The following PRKG1 variants were observed in gnomAD, a reference collection of about 807,000 sequenced individuals.
PRKG1 encodes protein kinase cGMP-dependent 1, also known as cGMP-dependent protein kinase 1.
A neutral mutation model predicts 88.1 loss-of-function variants in PRKG1; 35 were observed. The observed-to-expected ratio is 0.40, with a 90% CI of 0.30 to 0.53. The LOEUF (loss-of-function observed/expected upper bound fraction) is 0.53, where lower values mean the gene tolerates loss of function less well. Among genes scored for constraint, PRKG1 ranks in the 20% least tolerant of loss-of-function variants. PRKG1 has a pLI of 0.59. For synonymous variants in PRKG1, 303 were observed against 292.5 expected (o/e 1.04, Z -0.37); for missense variants, 540 against 839.8 (o/e 0.64, Z 4.41).
intron 4 of PRKG1, among the ~76,000 whole-genome samples, chr10:51,904,226 C>T (rs1842039231): frequency 6.6e-6 from 1 of 151,974 alleles, no homozygotes; most frequent in South Asian, 2.1e-4. Context: ...TAAATTGTTA[C>T]AATAAATTAT....
chr10:51,278,500 T>C (rs1447580688), intron 2 of PRKG1, among the ~76,000 whole-genome samples: 2 of 152,216 alleles, frequency 1.3e-5, no homozygotes, highest in Non-Finnish European at 1.5e-5. Flanking sequence ...CCTCTTTTTC[T>C]ATTGATTAGA....
At chr10:51,457,133 T>G (rs541259375) in intron 2 of PRKG1, among the ~76,000 whole-genome samples, 1 of 152,174 alleles carries the variant, frequency 6.6e-6, no homozygotes, top group African/African-American at 2.4e-5. Context: ...ACACACATGT[T>G]TATAGCAGCA....
At chr10:51,193,962 T>C (rs1337105988) in intron 2 of PRKG1, among the ~76,000 whole-genome samples, 1 of 152,154 alleles carries the variant, frequency 6.6e-6, no homozygotes, top group Non-Finnish European at 1.5e-5. Context: ...CTGGGGCAGG[T>C]CAGGAACACT....
At chr10:52,031,045 A>T (rs896719432) in intron 5 of PRKG1, among the ~76,000 whole-genome samples, 1 of 152,012 alleles carries the variant, frequency 6.6e-6, no homozygotes, top group Non-Finnish European at 1.5e-5. Context: ...CAGATCCATT[A>T]TTTATTCTCA....
chr10:51,298,061 C>T (rs1438840246), intron 2 of PRKG1, among the ~76,000 whole-genome samples: 3 of 152,058 alleles, frequency 2.0e-5, no homozygotes, highest in African/African-American at 7.2e-5. Context: ...TTGTTAAGCA[C>T]TTACTATATT....
chr10:52,294,263 A>AAGATGAATATT lies in PRKG1; in HGVS notation c.*363_*364insAGATGAATATT, dbSNP rs1464410477. 1 of 167,756 alleles carries AAGATGAATATT rather than the reference A, an allele frequency of 6.0e-6. No homozygotes were observed. Among genetic ancestry groups the AAGATGAATATT allele is most frequent in the Non-Finnish European group, 1.3e-5 (1 of 77,990 alleles). The allele number at this position is 167,756 out of a possible 1,614,324, so 10.4% of individuals were successfully genotyped here. ...AGTCTGTACCTTGCTGGAATATTCA[A>AAGATGAATATT]GAAGATGAAAGAATAATATATTGGG... On this transcript the variant is annotated 3_prime_UTR_variant, in exon 18 of 18. Transcript: ENST00000373980.
chr10:52,135,120 G>A (rs1042525171), intron 8 of PRKG1, among the ~76,000 whole-genome samples: 1 of 152,018 alleles, frequency 6.6e-6, no homozygotes, highest in African/African-American at 2.4e-5. Flanking sequence ...CAAAAAAAAT[G>A]AGTTCAGAAT....
intron 5 of PRKG1, among the ~76,000 whole-genome samples, chr10:52,034,857 A>G (rs190287793): frequency 6.6e-6 from 1 of 152,160 alleles, no homozygotes; most frequent in Non-Finnish European, 1.5e-5. Context: ...TCTATACAGG[A>G]GCTCAAATGC....
chr10:51,795,277 A>G (rs1274229565), intron 3 of PRKG1, among the ~76,000 whole-genome samples: 1 of 152,096 alleles, frequency 6.6e-6, no homozygotes, highest in South Asian at 2.1e-4. Flanking sequence ...CTTCCAATGT[A>G]TGAATATGGT....
chr10:51,574,109 G>A (rs1837826151), intron 3 of PRKG1, among the ~76,000 whole-genome samples: 1 of 151,896 alleles, frequency 6.6e-6, no homozygotes, highest in Admixed American at 6.6e-5. Context: ...TTAAACATTG[G>A]AAGAGAAAGC....
chr10:51,470,612 C>G (rs16918380), intron 3 of PRKG1, among the ~76,000 whole-genome samples: 17,261 of 151,934 alleles, frequency 0.11, 1,117 homozygotes, highest in Admixed American at 0.19. Flanking sequence ...ATGTACATTA[C>G]TTGTTTCCTG....
At chr10:52,256,008 T>G (rs1841298938) in intron 10 of PRKG1, among the ~76,000 whole-genome samples, 1 of 147,038 alleles carries the variant, frequency 6.8e-6, no homozygotes, top group African/African-American at 2.4e-5. Flanking sequence ...AAGACAAGAA[T>G]AATGTATTTA....
intron 3 of PRKG1, among the ~76,000 whole-genome samples, chr10:51,745,195 G>A (rs1457162272): frequency 6.6e-6 from 1 of 152,050 alleles, no homozygotes; most frequent in East Asian, 1.9e-4. Context: ...GTTTTTAAGA[G>A]TCAAATAATT....
At chr10:52,034,745 A>C (rs1289388527) in intron 5 of PRKG1, among the ~76,000 whole-genome samples, 1 of 152,030 alleles carries the variant, frequency 6.6e-6, no homozygotes, top group African/African-American at 2.4e-5. Flanking sequence ...GGTGAATAGG[A>C]GTATGACTAG....
At chr10:52,276,374 T>C (rs1410520428) in intron 12 of PRKG1, among the ~76,000 whole-genome samples, 1 of 152,166 alleles carries the variant, frequency 6.6e-6, no homozygotes, top group South Asian at 2.1e-4. Flanking sequence ...TACTTCAGGT[T>C]CATACACTCA....
chr10:52,244,072 T>G (rs1840937208), intron 9 of PRKG1, among the ~76,000 whole-genome samples: 1 of 152,112 alleles, frequency 6.6e-6, no homozygotes, highest in African/African-American at 2.4e-5. Flanking sequence ...TAAATTACTT[T>G]TACACTTTCT....
intron 7 of PRKG1, among the ~76,000 whole-genome samples, chr10:52,108,101 A>C (rs1001467143): frequency 1.2e-4 from 19 of 152,324 alleles, no homozygotes; most frequent in African/African-American, 4.1e-4. Context: ...GAAATATGAA[A>C]ACTCAGAGAG....
At chr10:51,027,751 C>G (rs1016511067) in intron 1 of PRKG1, among the ~76,000 whole-genome samples, 18 of 152,122 alleles carry the variant, frequency 1.2e-4, no homozygotes, top group Admixed American at 1.0e-3. Context: ...ATTATGTTAA[C>G]AAGATCAAAA....
chr10:52,029,778 G>T (rs1017022147), intron 5 of PRKG1, among the ~76,000 whole-genome samples: 4 of 152,120 alleles, frequency 2.6e-5, no homozygotes, highest in African/African-American at 9.7e-5. Flanking sequence ...AAGCTGCATG[G>T]TTCCCTTAGT....
Sources: gnomAD v4.1 joint callset for allele counts (sites outside exome capture counted in the v4.1 genomes callset) on GRCh38, gnomAD v4.1.1 for gene constraint, MANE v1.5 for transcripts, NCBI Gene and HGNC (gene_info 2026-07-23, HGNC 2026-07-21) for gene names.